The following THSD7A variants were observed in gnomAD, a reference collection of about 807,000 sequenced individuals.
THSD7A encodes thrombospondin type 1 domain containing 7A.
A neutral mutation model predicts 231.3 loss-of-function variants in THSD7A; 96 were observed. That is an observed-to-expected ratio of 0.41 (90% CI 0.35 to 0.49). The LOEUF is 0.49. Ranked by LOEUF, THSD7A falls within the 20% of genes least tolerant of loss-of-function variation. The pLI is 0.05. For missense variants in THSD7A, 2,290 were observed against 2,070.2 expected, an observed-to-expected ratio of 1.11 and a Z score of -2.06; for synonymous variants, 940 against 743.3, an observed-to-expected ratio of 1.26 and a Z score of -4.30.
intron 1 of THSD7A, among the ~76,000 whole-genome samples, chr7:11,776,719 A>G (rs576885341): frequency 1.3e-5 from 2 of 152,370 alleles, no homozygotes; most frequent in East Asian, 3.9e-4. Context: ...ATAAACTGAT[A>G]AAACATGGAA....
chr7:11,530,875 G>T (rs1411434435), intron 6 of THSD7A, among the ~76,000 whole-genome samples: 1 of 152,092 alleles, frequency 6.6e-6, no homozygotes, highest in Non-Finnish European at 1.5e-5. Context: ...GCCATGCATG[G>T]TCGCGGGTGT....
At chr7:11,703,199 G>A (rs914431633) in intron 1 of THSD7A, among the ~76,000 whole-genome samples, 5 of 151,168 alleles carry the variant, frequency 3.3e-5, no homozygotes, top group African/African-American at 7.3e-5. Context: ...TCCTGGCAGC[G>A]TTCAAACTCT....
At chr7:11,402,010 G>C in intron 22 of THSD7A, 42 bp from the exon 23 acceptor site, 1 of 1,559,794 alleles carries the variant, frequency 6.4e-7, no homozygotes, top group South Asian at 1.2e-5. Context: ...TATCCACAGA[G>C]AAAAGCCAGC....
rs1781695951 is a variant in THSD7A at position 11,632,699 on chromosome 7, C to T, written c.1022+3431G>A. On this transcript the variant is annotated intron_variant, in intron 2 of 27. Transcript: ENST00000423059. The surrounding 1 kb of genome is among the most constrained non-coding windows in gnomAD (Gnocchi z 4.1). ...GTTTCACAGTTGAGCACCGTCCCAG[C>T]TTTCAGTCTGATGTCTCTTCACCTA... 6.6e-6 allele frequency among the ~76,000 whole-genome samples: 1 copy of T among 152,190 alleles called. No homozygotes were observed. Among genetic ancestry groups the T allele is most frequent in the Admixed American group, 6.5e-5 (1 of 15,282 alleles).
At chr7:11,607,197 AAT>A (rs1780762447) in intron 2 of THSD7A, among the ~76,000 whole-genome samples, 1 of 152,112 alleles carries the variant, frequency 6.6e-6, no homozygotes, top group Admixed American at 6.6e-5. Context: ...GCTAGTAGGA[AAT>A]ATATATGTTT....
intron 6 of THSD7A, among the ~76,000 whole-genome samples, chr7:11,523,354 C>A (rs1354315219): frequency 6.6e-6 from 1 of 152,008 alleles, no homozygotes; most frequent in Non-Finnish European, 1.5e-5. Flanking sequence ...AATCATACAA[C>A]CCCATTTCTT....
At chr7:11,691,493 A>G (rs1015925671) in intron 1 of THSD7A, among the ~76,000 whole-genome samples, 46 of 151,512 alleles carry the variant, frequency 3.0e-4, no homozygotes, top group Admixed American at 1.2e-3. Flanking sequence ...CCTTCCAATC[A>G]GGTAATACTT....
intron 6 of THSD7A, among the ~76,000 whole-genome samples, chr7:11,537,760 C>T (rs566600611): frequency 6.6e-6 from 1 of 152,274 alleles, no homozygotes; most frequent in South Asian, 2.1e-4. Context: ...GTCAACTTCC[C>T]CCAGGTGTTT....
chr7:11,764,526 C>T (rs962969290), intron 1 of THSD7A, among the ~76,000 whole-genome samples: 1 of 147,046 alleles, frequency 6.8e-6, no homozygotes, highest in African/African-American at 2.5e-5. Flanking sequence ...GCCGAGATAG[C>T]GCCACTGCAG....
chr7:11,414,171 A>C (rs1783882470), intron 17 of THSD7A: 1 of 152,252 alleles, frequency 6.6e-6, no homozygotes, highest in Non-Finnish European at 1.5e-5. Context: ...TTGCAACAAA[A>C]CAACCAACCA....
chr7:11,511,344 A>C (rs1787800576), intron 6 of THSD7A, among the ~76,000 whole-genome samples: 1 of 152,218 alleles, frequency 6.6e-6, no homozygotes, highest in Admixed American at 6.5e-5. Context: ...ATATTGTGAA[A>C]ATGGCCATAT....
intron 2 of THSD7A, among the ~76,000 whole-genome samples, chr7:11,598,022 C>T (rs970420117): frequency 5.9e-5 from 9 of 152,188 alleles, no homozygotes; most frequent in Admixed American, 3.3e-4. Flanking sequence ...GCCACCTGAA[C>T]GTGGACAGCT....
At chr7:11,793,566 T>C (rs1441658992) in intron 1 of THSD7A, among the ~76,000 whole-genome samples, 1 of 151,768 alleles carries the variant, frequency 6.6e-6, no homozygotes, top group Non-Finnish European at 1.5e-5. Context: ...TCAAAGAAGA[T>C]ATATTGTTTT....
chr7:11,598,673 T>C (rs183028629), intron 2 of THSD7A, among the ~76,000 whole-genome samples: 105 of 152,272 alleles, frequency 6.9e-4, no homozygotes, highest in African/African-American at 2.4e-3. Flanking sequence ...ATGCTCTGAA[T>C]CAGCATGCAA....
At chr7:11,702,243 G>C (rs890878196) in intron 1 of THSD7A, among the ~76,000 whole-genome samples, 1 of 151,166 alleles carries the variant, frequency 6.6e-6, no homozygotes, top group Non-Finnish European at 1.5e-5. Context: ...TCTGCTCAGG[G>C]TGTCACAGGG....
intron 1 of THSD7A, among the ~76,000 whole-genome samples, chr7:11,718,132 T>A (rs1480646085): frequency 6.6e-6 from 1 of 151,680 alleles, no homozygotes; most frequent in Non-Finnish European, 1.5e-5. Flanking sequence ...GCATGCTGCA[T>A]CCTCTCTTGA....
rs150280382 is a variant in THSD7A, at chr7:11,650,984, G to T, written c.191-14023C>A. 9.1e-4 allele frequency among the ~76,000 whole-genome samples: 139 copies of T among 152,076 alleles called. 1 individual carries two copies. Among genetic ancestry groups the T allele is most frequent in the African/African-American group, 3.2e-3 (132 of 41,524 alleles). ...AGTGAGGGCCTACAATGTGCTAGGTGCTGTGATAGGCAAGCAAAATTGACA... is the reference window on the plus strand; with the variant it reads ...AGTGAGGGCCTACAATGTGCTAGGTTCTGTGATAGGCAAGCAAAATTGACA... On this transcript the variant is annotated intron_variant, in intron 1 of 27. Coordinates refer to ENST00000423059, the MANE Select transcript of THSD7A (RefSeq NM_015204.3).
In THSD7A at chr7:11,503,238, C is replaced by T. The variant is rs575223256; in HGVS notation, c.1823-21256G>A. 9.9e-5 allele frequency among the ~76,000 whole-genome samples: 15 copies of T among 152,280 alleles called. No individual in the cohort carries two copies. In the East Asian group the frequency reaches 2.9e-3, roughly 29 times the overall value. On this transcript the variant is annotated intron_variant, in intron 6 of 27. Transcript: ENST00000423059. ...AAGACTTCCTGTTCAATAAATGGTG[C>T]TGCAATAACTGGCTAGCCATATGCA...
intron 1 of THSD7A, among the ~76,000 whole-genome samples, chr7:11,687,021 A>G (rs1175563596): frequency 6.6e-6 from 1 of 151,952 alleles, no homozygotes; most frequent in Non-Finnish European, 1.5e-5. Context: ...GAATAAAAAA[A>G]TAATATGTGG....
Sources: gnomAD v4.1 joint callset for allele counts (sites outside exome capture counted in the v4.1 genomes callset) on GRCh38, gnomAD v4.1.1 for gene constraint, Gnocchi (gnomAD v3.1) non-coding constraint, MANE v1.5 for transcripts, NCBI Gene and HGNC (gene_info 2026-07-23, HGNC 2026-07-21) for gene names.